SEL1L3: variants seen among roughly 807,000 people sequenced by gnomAD.
SEL1L3 encodes the protein protein sel-1 homolog 3.
SEL1L3 carries 76 observed loss-of-function variants against 142.8 expected under a neutral mutation model. The observed-to-expected ratio is 0.53, with a 90% CI of 0.44 to 0.64. The LOEUF (loss-of-function observed/expected upper bound fraction) is 0.64. Among genes scored for constraint, SEL1L3 ranks in the 30% least tolerant of loss-of-function variants. SEL1L3 has a pLI of 0.00. For synonymous variants in SEL1L3, 504 were observed against 519.6 expected (o/e 0.97, Z 0.41); for missense variants, 1,262 against 1,381.7 (o/e 0.91, Z 1.37).
At chr4:25,756,310 A>G (rs1717955231) in intron 23 of SEL1L3, 3 of 985,270 alleles carry the variant, frequency 3.0e-6, no homozygotes, top group Non-Finnish European at 3.6e-6. Context: ...AGTACCTACT[A>G]TGCATGAGTT....
the SEL1L3 span, among the ~76,000 whole-genome samples, chr4:25,727,693 G>A: frequency 0.028 from 4,319 of 152,164 alleles, 82 homozygotes; most frequent in Middle Eastern, 0.051. Flanking sequence ...CAATCTCTGC[G>A]CCATGTTGGG....
chr4:25,805,547 C>T (rs555756300), intron 9 of SEL1L3, among the ~76,000 whole-genome samples: 55 of 152,210 alleles, frequency 3.6e-4, no homozygotes, highest in Non-Finnish European at 3.2e-4. Context: ...CTTTACCACG[C>T]GGATAGAGAC....
At position 25,862,937 on chromosome 4, in the gene SEL1L3, G is replaced by T; in HGVS notation, c.-101C>A. On this transcript the variant is annotated 5_prime_UTR_variant, in exon 1 of 24. Coordinates refer to ENST00000399878, the MANE Select transcript of SEL1L3 (RefSeq NM_015187.5). ...CCGCCCGCCCCCGGCCGGGCCGGCC[G>T]CCGCGCGCGGGGCCACCTGCCGCCA... 2 of 838,092 alleles carry T rather than the reference G, an allele frequency of 2.4e-6. No individual in the cohort carries two copies. The highest frequency in any genetic ancestry group is 2.8e-6 in the Non-Finnish European group (2 of 712,234). The allele number at this position is 838,092 out of a possible 1,614,324, so 51.9% of individuals were successfully genotyped here.
At chr4:25,780,301 A>AC (rs1389054856) in intron 15 of SEL1L3, among the ~76,000 whole-genome samples, 1 of 151,478 alleles carries the variant, frequency 6.6e-6, no homozygotes, top group African/African-American at 2.4e-5. Context: ...CAATGCATGA[A>AC]CCCCCTGCTC....
intron 9 of SEL1L3, among the ~76,000 whole-genome samples, chr4:25,813,789 T>C (rs1341622626): frequency 1.3e-5 from 2 of 152,170 alleles, no homozygotes; most frequent in Admixed American, 1.3e-4. Context: ...CAAGTCTCTT[T>C]TGTAATAGAA....
At chr4:25,755,311 C>T (rs1205906387) in intron 23 of SEL1L3, among the ~76,000 whole-genome samples, 2 of 151,092 alleles carry the variant, frequency 1.3e-5, no homozygotes, top group Non-Finnish European at 2.9e-5. Context: ...CTATGTTGCC[C>T]AGGTTGGTCT....
intron 8 of SEL1L3, 146 bp downstream of exon 8, chr4:25,819,662 G>A (rs1291610689): frequency 1.5e-6 from 1 of 654,114 alleles, no homozygotes; most frequent in Non-Finnish European, 2.4e-6. Flanking sequence ...GTATCCACCA[G>A]TGGAGGGCTC....
the SEL1L3 span, among the ~76,000 whole-genome samples, chr4:25,737,858 A>C: frequency 6.6e-6 from 1 of 151,700 alleles, no homozygotes; most frequent in Non-Finnish European, 1.5e-5. Context: ...AATAATGATC[A>C]AAATAAGTTC....
At chr4:25,744,379 C>T (rs1226219652), downstream of SEL1L3, among the ~76,000 whole-genome samples, 4 of 102,172 alleles carry the variant, frequency 3.9e-5, no homozygotes, top group Non-Finnish European at 5.9e-5. Context: ...GACGGAGCCT[C>T]GCTCTGTCAC....
chr4:25,767,935 T>A (rs1217421303), intron 17 of SEL1L3, 105 bp from the exon 18 acceptor site: 19 of 692,528 alleles, frequency 2.7e-5, no homozygotes, highest in Admixed American at 9.0e-5. Flanking sequence ...GCAGTTTTTT[T>A]AAAAAAACCA....
At chr4:25,732,700 T>G in the SEL1L3 span, among the ~76,000 whole-genome samples, 1 of 152,044 alleles carries the variant, frequency 6.6e-6, no homozygotes, top group Non-Finnish European at 1.5e-5. Context: ...GATTGGGTCT[T>G]TGGTCTTTTA....
chr4:25,843,432 A>T (rs1161352398), intron 2 of SEL1L3, among the ~76,000 whole-genome samples: 3 of 152,190 alleles, frequency 2.0e-5, no homozygotes, highest in Non-Finnish European at 4.4e-5. Context: ...TACAGCCAGC[A>T]CTAGGTGACT....
intron 6 of SEL1L3, 115 bp from the exon 7 acceptor site, chr4:25,822,243 C>CT: frequency 7.8e-7 from 1 of 1,283,644 alleles, no homozygotes; most frequent in Admixed American, 2.0e-5. Flanking sequence ...GCCCTTCACT[C>CT]TGAGTTTTAG....
At chr4:25,827,549 A>G (rs1379057059) in intron 6 of SEL1L3, among the ~76,000 whole-genome samples, 1 of 152,090 alleles carries the variant, frequency 6.6e-6, no homozygotes, top group Non-Finnish European at 1.5e-5. Context: ...CTGAGATAAT[A>G]CATTTTTGTG....
chr4:25,741,870 G>A, the SEL1L3 span, among the ~76,000 whole-genome samples: 46 of 151,622 alleles, frequency 3.0e-4, no homozygotes, highest in East Asian at 3.5e-3. Context: ...TTGCAATGGC[G>A]TGATCTTGAC....
intron 9 of SEL1L3, among the ~76,000 whole-genome samples, chr4:25,809,000 G>A (rs916808677): frequency 6.8e-6 from 1 of 147,624 alleles, no homozygotes; most frequent in African/African-American, 2.5e-5. Context: ...GTGAACCCGG[G>A]AGGCAGAGCT....
intron 17 of SEL1L3, among the ~76,000 whole-genome samples, chr4:25,775,159 T>C (rs1308589354): frequency 2.6e-5 from 4 of 152,212 alleles, no homozygotes; most frequent in African/African-American, 9.6e-5. Context: ...ACAAAAATTG[T>C]AAGGTACATT....
chr4:25,746,464 G>A (rs575202478), downstream of SEL1L3, among the ~76,000 whole-genome samples: 5 of 137,662 alleles, frequency 3.6e-5, no homozygotes, highest in East Asian at 4.2e-4. Context: ...AGCCGAGATC[G>A]TGCCACTGCA....
chr4:25,822,178 AT>A, intron 6 of SEL1L3, 50 bp from the exon 7 acceptor site: 1 of 1,608,076 alleles, frequency 6.2e-7, no homozygotes, highest in South Asian at 1.1e-5. Context: ...GAACTAGATG[AT>A]TTAAAAACAG....
Sources: gnomAD v4.1 joint callset for allele counts (sites outside exome capture counted in the v4.1 genomes callset) on GRCh38, gnomAD v4.1.1 for gene constraint, MANE v1.5 for transcripts, NCBI Gene and HGNC (gene_info 2026-07-23, HGNC 2026-07-21) for gene names.